Variants in ENTPD1 observed in about 807,000 individuals in gnomAD.
ENTPD1 encodes the protein ATP diphosphohydrolase.
In ENTPD1, 33 loss-of-function variants were observed where a neutral mutation model predicts 57.0. That is an observed-to-expected ratio of 0.58 (90% CI 0.44 to 0.77). The LOEUF is 0.77. Ranked by LOEUF, ENTPD1 falls within the 30% of genes least tolerant of loss-of-function variation. The probability of loss-of-function intolerance (pLI) is 0.00; values close to 1 mark genes in which losing one functional copy is unlikely to be tolerated. For synonymous variants in ENTPD1, 202 were observed against 218.8 expected, an observed-to-expected ratio of 0.92 and a Z score of 0.68; for missense variants, 501 against 603.4, an observed-to-expected ratio of 0.83 and a Z score of 1.78.
chr10:95,776,982 G>C (rs2098136540), intron 1 of ENTPD1, among the ~76,000 whole-genome samples: 1 of 151,720 alleles, frequency 6.6e-6, no homozygotes, highest in Non-Finnish European at 1.5e-5. Context: ...TTTCAGCTTG[G>C]TCATTTAAGG....
intron 1 of ENTPD1, among the ~76,000 whole-genome samples, chr10:95,768,615 T>G (rs188152545): frequency 3.3e-4 from 50 of 152,292 alleles, no homozygotes; most frequent in African/African-American, 1.1e-3. Context: ...TATCACTGAT[T>G]CAATTTTCCT....
intron 2 of ENTPD1, among the ~76,000 whole-genome samples, chr10:95,838,700 G>T (rs1368661459): frequency 6.6e-6 from 1 of 152,224 alleles, no homozygotes. Context: ...TGATCTGGGT[G>T]GTGGTTATAT....
At chr10:95,831,753 G>T (rs1220488508) in intron 2 of ENTPD1, among the ~76,000 whole-genome samples, 1 of 152,154 alleles carries the variant, frequency 6.6e-6, no homozygotes, top group Admixed American at 6.5e-5. Context: ...CTCATGCCTG[G>T]GCCACATGTG....
intron 1 of ENTPD1, among the ~76,000 whole-genome samples, chr10:95,761,670 C>T (rs940560011): frequency 6.6e-6 from 1 of 152,216 alleles, no homozygotes; most frequent in African/African-American, 2.4e-5. Flanking sequence ...CTGGAATCTT[C>T]AGCACACAAA....
chr10:95,789,977 C>T (rs901958406), intron 1 of ENTPD1, among the ~76,000 whole-genome samples: 7 of 152,140 alleles, frequency 4.6e-5, no homozygotes, highest in Admixed American at 6.5e-5. Flanking sequence ...GAGTATTTTT[C>T]ATTGTGTTTA....
At chr10:95,840,327 TC>T (rs2140803836) in intron 3 of ENTPD1, among the ~76,000 whole-genome samples, 1 of 152,338 alleles carries the variant, frequency 6.6e-6, no homozygotes, top group African/African-American at 2.4e-5. Context: ...CCCTAGAGTT[TC>T]TGAGTCAGCA....
At chr10:95,745,169 A>G (rs550845190) in intron 1 of ENTPD1, among the ~76,000 whole-genome samples, 26 of 152,214 alleles carry the variant, frequency 1.7e-4, no homozygotes, top group Non-Finnish European at 3.4e-4. Flanking sequence ...CAGCAATAAC[A>G]TCTTACTTTT....
chr10:95,853,969 C>A (rs2098449971), intron 7 of ENTPD1, among the ~76,000 whole-genome samples: 1 of 152,316 alleles, frequency 6.6e-6, no homozygotes, highest in South Asian at 2.1e-4. Context: ...GGCAGATTCC[C>A]TCTTTTTCTA....
At chr10:95,820,468 CAAG>C (rs929538083) in intron 1 of ENTPD1, among the ~76,000 whole-genome samples, 19 of 152,272 alleles carry the variant, frequency 1.2e-4, no homozygotes, top group Non-Finnish European at 1.8e-4. Context: ...TCCTCAATGA[CAAG>C]AAGAAGTTAG....
chr10:95,784,551 A>G (rs1457923551), intron 1 of ENTPD1, among the ~76,000 whole-genome samples: 4 of 152,196 alleles, frequency 2.6e-5, no homozygotes, highest in Admixed American at 2.6e-4. Context: ...TTGTGGACCC[A>G]GGAAGTAGCA....
intron 1 of ENTPD1, among the ~76,000 whole-genome samples, chr10:95,809,799 G>A (rs1360414105): frequency 7.8e-5 from 11 of 141,104 alleles, no homozygotes; most frequent in East Asian, 2.2e-4. Flanking sequence ...ACGGGGCGGC[G>A]GGGCAGAAGT....
intron 5 of ENTPD1, among the ~76,000 whole-genome samples, chr10:95,845,102 C>T (rs2098431927): frequency 6.6e-6 from 1 of 152,200 alleles, no homozygotes; most frequent in Non-Finnish European, 1.5e-5. Flanking sequence ...AGAATTTGAA[C>T]TTGAATGTGT....
the ENTPD1 span, among the ~76,000 whole-genome samples, chr10:95,698,180 T>C: frequency 2.4e-4 from 36 of 152,182 alleles, no homozygotes; most frequent in African/African-American, 8.7e-4. Flanking sequence ...TTGTTATAAA[T>C]TGGCAAAGAA....
At chr10:95,802,212 A>C (rs2140344387) in intron 1 of ENTPD1, among the ~76,000 whole-genome samples, 1 of 152,302 alleles carries the variant, frequency 6.6e-6, no homozygotes, top group Non-Finnish European at 1.5e-5. Flanking sequence ...CTATAGGTAA[A>C]TTTAAATGTT....
chr10:95,761,924 C>T (rs2098065346), intron 1 of ENTPD1, among the ~76,000 whole-genome samples: 4 of 152,030 alleles, frequency 2.6e-5, no homozygotes, highest in Admixed American at 2.0e-4. Context: ...CTACGCTCTG[C>T]AGAAGAAAGG....
In ENTPD1 at chr10:95,876,345, G is replaced by C; in HGVS notation, c.*9962G>C. 1.0e-6 allele frequency: 1 copy of C among 985,320 alleles called. No individual in the cohort carries two copies. The highest frequency in any genetic ancestry group is 1.2e-6 in the Non-Finnish European group (1 of 829,874). 61.0% of individuals were successfully genotyped at this position (985,320 alleles called of 1,614,324 possible). On this transcript the variant is annotated 3_prime_UTR_variant, in exon 10 of 10. Coordinates refer to ENST00000371205, the MANE Select transcript of ENTPD1 (RefSeq NM_001776.6). ...AAAATGGGGGCAAATACAGATAAAT[G>C]GTAATTCTTAGAATGAACTACTCAG...
At position 95,847,715 on chromosome 10, in the gene ENTPD1, G is replaced by C. The variant is rs2098438146; in HGVS notation, c.1074+9G>C. ...TCCAGGGGGATTTTGGGGTAAGTTT[G>C]TGAAATGATGAGGTATAGGATGTCT... On this transcript the variant is annotated intron_variant, in intron 7 of 9. Coordinates refer to ENST00000371205, the MANE Select transcript of ENTPD1 (RefSeq NM_001776.6). The C allele has an allele frequency of 1.2e-6, 2 of 1,614,090 alleles. No individual in the cohort carries two copies. The highest frequency in any genetic ancestry group is 4.5e-5 in the East Asian group (2 of 44,892).
chr10:95,705,672 A>C, the ENTPD1 span, among the ~76,000 whole-genome samples: 1 of 152,132 alleles, frequency 6.6e-6, no homozygotes, highest in Admixed American at 6.6e-5. Context: ...TTGTATTTTT[A>C]GTAGAGATGG....
Position 95,866,617 on chromosome 10 carries a change from C to G in ENTPD1, c.*234C>G, listed in dbSNP as rs569571945. On this transcript the variant is annotated 3_prime_UTR_variant, in exon 10 of 10. Coordinates refer to ENST00000371205, the MANE Select transcript of ENTPD1 (RefSeq NM_001776.6). ...ATGAGTTTTTCCCAGCTACACCTTT[C>G]TCCTTTGTACTTTGTGCTTGTATAG... 3.5e-4 allele frequency: 484 copies of G among 1,369,134 alleles called. 6 individuals are homozygous for G. In the South Asian group the frequency reaches 5.8e-3, roughly 17 times the overall value. 84.8% of individuals were successfully genotyped at this position (1,369,134 alleles called of 1,614,324 possible).
Sources: gnomAD v4.1 joint callset for allele counts (sites outside exome capture counted in the v4.1 genomes callset) on GRCh38, gnomAD v4.1.1 for gene constraint, MANE v1.5 for transcripts, NCBI Gene and HGNC (gene_info 2026-07-23, HGNC 2026-07-21) for gene names.